PARD3: variants seen among roughly 807,000 people sequenced by gnomAD.
The protein encoded by PARD3 is partitioning defective 3 homolog.
In PARD3, 75 loss-of-function variants were observed where a neutral mutation model predicts 155.4. That is an observed-to-expected ratio of 0.48 (90% CI 0.40 to 0.58). PARD3 has a LOEUF of 0.58. Ranked by LOEUF, PARD3 falls within the 20% of genes least tolerant of loss-of-function variation. The pLI, the probability that PARD3 is intolerant of heterozygous loss-of-function variation, is 0.00. For missense variants in PARD3, 1,642 were observed against 1,721.7 expected (o/e 0.95, Z 0.82); for synonymous variants, 576 against 610.5 (o/e 0.94, Z 0.83).
intron 3 of PARD3, among the ~76,000 whole-genome samples, chr10:34,515,273 A>T (rs922239290): frequency 6.6e-6 from 1 of 152,254 alleles, no homozygotes; most frequent in Non-Finnish European, 1.5e-5. Context: ...GAATTTTTAA[A>T]CAGTATATCC....
At chr10:34,436,288 G>A (rs1394455844) in intron 5 of PARD3, among the ~76,000 whole-genome samples, 2 of 152,210 alleles carry the variant, frequency 1.3e-5, no homozygotes, top group Non-Finnish European at 2.9e-5. Context: ...GGAAGGTTTT[G>A]AATGGTCTGT....
At chr10:34,111,800 G>A (rs1413264910) in intron 24 of PARD3, among the ~76,000 whole-genome samples, 1 of 152,176 alleles carries the variant, frequency 6.6e-6, no homozygotes. Context: ...ACTAGACTGT[G>A]CAGCTATTTA....
chr10:34,404,204 T>C (rs1415206487), intron 5 of PARD3, among the ~76,000 whole-genome samples: 6 of 152,206 alleles, frequency 3.9e-5, no homozygotes, highest in Admixed American at 3.9e-4. Context: ...TTCCCAATAT[T>C]TGGATGTGTA....
intron 19 of PARD3, among the ~76,000 whole-genome samples, chr10:34,327,291 C>T (rs1835125974): frequency 1.3e-5 from 2 of 152,156 alleles, no homozygotes; most frequent in South Asian, 4.2e-4. Context: ...CAGACGCACA[C>T]AACATGGAGA....
At chr10:34,648,600 C>A (rs1302121362) in intron 2 of PARD3, among the ~76,000 whole-genome samples, 1 of 152,156 alleles carries the variant, frequency 6.6e-6, no homozygotes, top group Non-Finnish European at 1.5e-5. Context: ...CAACCTAGAT[C>A]CCTCACACAC....
chr10:34,482,002 C>T (rs1435002241), intron 3 of PARD3, among the ~76,000 whole-genome samples: 1 of 145,628 alleles, frequency 6.9e-6, no homozygotes, highest in Admixed American at 6.9e-5. Flanking sequence ...CAGCTACAGG[C>T]ACACACCACT....
chr10:34,115,712 CTTTTTTTT>C (rs1029767685), intron 24 of PARD3, among the ~76,000 whole-genome samples: 1 of 141,532 alleles, frequency 7.1e-6, no homozygotes, highest in Non-Finnish European at 1.6e-5. Flanking sequence ...TAATTTTTTT[CTTTTTTTT>C]TTTTTTCTTT....
intron 2 of PARD3, among the ~76,000 whole-genome samples, chr10:34,614,037 T>G (rs941927246): frequency 6.6e-6 from 1 of 152,180 alleles, no homozygotes; most frequent in Non-Finnish European, 1.5e-5. Flanking sequence ...ACATGTATAC[T>G]CATACATACA....
chr10:34,807,205 CA>C (rs1204815304), intron 1 of PARD3, among the ~76,000 whole-genome samples: 2 of 152,178 alleles, frequency 1.3e-5, no homozygotes, highest in African/African-American at 4.8e-5. Context: ...CCTGAGAAAG[CA>C]GGGATTCCAC....
intron 2 of PARD3, among the ~76,000 whole-genome samples, chr10:34,592,733 C>G (rs2088832754): frequency 6.6e-6 from 1 of 152,268 alleles, no homozygotes; most frequent in South Asian, 2.1e-4. Context: ...GGAGATCACA[C>G]CACTGCATTC....
At chr10:34,721,633 T>C (rs1043137661) in intron 1 of PARD3, among the ~76,000 whole-genome samples, 6 of 152,202 alleles carry the variant, frequency 3.9e-5, no homozygotes, top group African/African-American at 1.2e-4. Flanking sequence ...TCTTCCACAT[T>C]GCGAATCACA....
intron 5 of PARD3, among the ~76,000 whole-genome samples, chr10:34,407,019 T>C (rs1412397454): frequency 2.0e-5 from 3 of 152,084 alleles, no homozygotes; most frequent in African/African-American, 4.8e-5. Context: ...ATATGGCAAG[T>C]CAACAGATGT....
chr10:34,602,208 T>C (rs2089844907), intron 2 of PARD3, among the ~76,000 whole-genome samples: 1 of 152,214 alleles, frequency 6.6e-6, no homozygotes, highest in African/African-American at 2.4e-5. Context: ...TATTCATTAC[T>C]GGACAGATCA....
intron 22 of PARD3, among the ~76,000 whole-genome samples, chr10:34,180,301 A>G (rs1246385889): frequency 6.6e-6 from 1 of 152,072 alleles, no homozygotes; most frequent in Non-Finnish European, 1.5e-5. Flanking sequence ...TGCCTCAGCC[A>G]CCCAAAGTGT....
chr10:34,138,932 C>T (rs1191918016), intron 22 of PARD3, among the ~76,000 whole-genome samples: 1 of 145,948 alleles, frequency 6.9e-6, no homozygotes, highest in Non-Finnish European at 1.5e-5. Flanking sequence ...ATTGTATCAA[C>T]AATCCTGGAA....
chr10:34,629,225 A>T (rs956791025), intron 2 of PARD3, among the ~76,000 whole-genome samples: 79 of 152,344 alleles, frequency 5.2e-4, no homozygotes, highest in African/African-American at 1.8e-3. Context: ...TCTCATATTA[A>T]ACATTTTCAA....
At chr10:34,480,089 G>A (rs754758250) in intron 3 of PARD3, among the ~76,000 whole-genome samples, 8 of 152,226 alleles carry the variant, frequency 5.3e-5, no homozygotes, top group East Asian at 1.9e-4. Context: ...CAAGGCAGAC[G>A]GCATAGAGCC....
chr10:34,525,002 C>T (rs1265013550), intron 2 of PARD3, among the ~76,000 whole-genome samples: 1 of 152,198 alleles, frequency 6.6e-6, no homozygotes, highest in Non-Finnish European at 1.5e-5. Flanking sequence ...ACTGAATTTA[C>T]TTTAATGACA....
chr10:34,320,193 A>T (rs967369219), intron 19 of PARD3, among the ~76,000 whole-genome samples: 1 of 152,204 alleles, frequency 6.6e-6, no homozygotes, highest in African/African-American at 2.4e-5. Flanking sequence ...ATCGCCAGGT[A>T]TCACCATTCC....
Sources: gnomAD v4.1 joint callset for allele counts (sites outside exome capture counted in the v4.1 genomes callset) on GRCh38, gnomAD v4.1.1 for gene constraint, MANE v1.5 for transcripts, NCBI Gene and HGNC (gene_info 2026-07-23, HGNC 2026-07-21) for gene names.